Variants in FGD4 observed in about 807,000 individuals in gnomAD.
The protein encoded by FGD4 is FYVE, RhoGEF and PH domain-containing protein 4.
Under a neutral mutation model 102.0 loss-of-function variants are expected in FGD4, and 42 were observed. The ratio of observed to expected loss-of-function variants is 0.41; its 90% CI spans 0.32 to 0.53. FGD4 has a LOEUF of 0.53. Among genes scored for constraint, FGD4 ranks in the 20% least tolerant of loss-of-function variants. FGD4 has a pLI of 0.21. For synonymous variants in FGD4, 380 were observed against 375.7 expected, an observed-to-expected ratio of 1.01 and a Z score of -0.13; for missense variants, 902 against 1,078.2, an observed-to-expected ratio of 0.84 and a Z score of 2.29.
At chr12:32,430,264 C>T (rs11829537) in intron 1 of FGD4, among the ~76,000 whole-genome samples, 1,552 of 151,792 alleles carry the variant, frequency 0.01, 31 homozygotes, top group African/African-American at 0.036. Flanking sequence ...GCTGAGATTG[C>T]ACCACTGTGC....
chr12:32,559,254 G>A (rs1363663636), intron 1 of FGD4, among the ~76,000 whole-genome samples: 1 of 152,168 alleles, frequency 6.6e-6, no homozygotes, highest in Non-Finnish European at 1.5e-5. Context: ...TATCCAAGAT[G>A]TTAGCAGATG....
At chr12:32,515,341 A>G (rs555362355) in intron 1 of FGD4, among the ~76,000 whole-genome samples, 1 of 152,270 alleles carries the variant, frequency 6.6e-6, no homozygotes, top group African/African-American at 2.4e-5. Flanking sequence ...ATTGGGTGCC[A>G]TTGAAGGTCA....
intron 15 of FGD4, among the ~76,000 whole-genome samples, chr12:32,636,991 C>T (rs1218597949): frequency 6.6e-6 from 1 of 150,758 alleles, no homozygotes; most frequent in Non-Finnish European, 1.5e-5. Context: ...ATGTCTCAGC[C>T]TCCTGAGTAG....
At chr12:32,592,490 G>T (rs1979824) in intron 4 of FGD4, among the ~76,000 whole-genome samples, 2 of 151,738 alleles carry the variant, frequency 1.3e-5, no homozygotes, top group Non-Finnish European at 2.9e-5. Flanking sequence ...CCAAAGGACT[G>T]CAAGAATAAA....
Position 32,533,082 on chromosome 12 carries a change from C to T in FGD4, c.167-31055C>T, listed in dbSNP as rs1189664765. 2.6e-5 allele frequency among the ~76,000 whole-genome samples: 4 copies of T among 152,142 alleles called. No individual in the cohort carries two copies. The East Asian group carries it at 7.7e-4, about 29-fold the overall frequency. ...TAGCAGGTGTGCAATTTAGCAAGTC[C>T]TTTAATCCTCCCTAACCCAGCAATT... On this transcript the variant is annotated intron_variant, in intron 1 of 16. Coordinates refer to ENST00000534526, the MANE Select transcript of FGD4 (RefSeq NM_001370298.3).
intron 1 of FGD4, among the ~76,000 whole-genome samples, chr12:32,492,448 C>T (rs1292714206): frequency 6.6e-6 from 1 of 152,116 alleles, no homozygotes; most frequent in Non-Finnish European, 1.5e-5. Context: ...CAGAAATGCA[C>T]CAAAATGCTG....
intron 5 of FGD4, among the ~76,000 whole-genome samples, 172 bp downstream of exon 5, chr12:32,598,758 G>A (rs1477149688): frequency 1.3e-5 from 2 of 152,188 alleles, no homozygotes; most frequent in Non-Finnish European, 2.9e-5. Flanking sequence ...AATTCACTAG[G>A]TATAAGCATT....
At chr12:32,453,444 GACT>G (rs1276415880) in intron 1 of FGD4, among the ~76,000 whole-genome samples, 1 of 151,606 alleles carries the variant, frequency 6.6e-6, no homozygotes. Context: ...ATGTTGGCCA[GACT>G]GGTGTCGAAC....
chr12:32,601,883 G>A (rs1278184810), intron 6 of FGD4, among the ~76,000 whole-genome samples: 1 of 152,150 alleles, frequency 6.6e-6, no homozygotes, highest in Non-Finnish European at 1.5e-5. Context: ...AAGGCAGGCG[G>A]ATCCCTTGAG....
intron 1 of FGD4, among the ~76,000 whole-genome samples, chr12:32,555,632 C>T (rs369095266): frequency 7.7e-5 from 11 of 142,348 alleles, no homozygotes; most frequent in South Asian, 4.6e-4. Flanking sequence ...AGTGCAGTGG[C>T]GCCATCTCGG....
intron 3 of FGD4, among the ~76,000 whole-genome samples, chr12:32,579,803 C>T (rs1946455326): frequency 6.6e-6 from 1 of 152,142 alleles, no homozygotes; most frequent in South Asian, 2.1e-4. Flanking sequence ...GACATTTTCC[C>T]CTACTCAATT....
chr12:32,458,048 C>T (rs796948588), intron 1 of FGD4, among the ~76,000 whole-genome samples: 3 of 150,252 alleles, frequency 2.0e-5, no homozygotes, highest in African/African-American at 4.9e-5. Context: ...CTTGGGAGTA[C>T]GAGCCTGAAT....
At chr12:32,534,742 A>C (rs1282063210) in intron 1 of FGD4, among the ~76,000 whole-genome samples, 1 of 152,198 alleles carries the variant, frequency 6.6e-6, no homozygotes, top group Non-Finnish European at 1.5e-5. Flanking sequence ...TCTCTGGCTT[A>C]TTTTTATTAT....
intron 1 of FGD4, among the ~76,000 whole-genome samples, chr12:32,401,062 C>T (rs781344516): frequency 3.9e-5 from 6 of 152,142 alleles, no homozygotes; most frequent in Non-Finnish European, 7.3e-5. Context: ...AAAATGAGGA[C>T]ACTAGTGTGA....
chr12:32,546,750 C>A (rs554116312), intron 1 of FGD4, among the ~76,000 whole-genome samples: 4 of 152,258 alleles, frequency 2.6e-5, no homozygotes, highest in Admixed American at 6.5e-5. Context: ...AATGGTGAGG[C>A]CTCATCAGCC....
chr12:32,419,797 C>T (rs189790841), intron 1 of FGD4, among the ~76,000 whole-genome samples: 23 of 152,158 alleles, frequency 1.5e-4, no homozygotes, highest in Non-Finnish European at 2.6e-4. Context: ...ATGCTCCTTC[C>T]GTGGTTAGAT....
At chr12:32,600,205 T>C (rs1948282086) in intron 5 of FGD4, among the ~76,000 whole-genome samples, 1 of 152,228 alleles carries the variant, frequency 6.6e-6, no homozygotes, top group Non-Finnish European at 1.5e-5. Flanking sequence ...ACTTTCTTCC[T>C]TATGGGAATT....
intron 1 of FGD4, among the ~76,000 whole-genome samples, chr12:32,473,569 A>G (rs1943495272): frequency 6.6e-6 from 1 of 151,926 alleles, no homozygotes; most frequent in Middle Eastern, 3.4e-3. Context: ...CAGACGCGCC[A>G]CCTTAAGAGC....
intron 1 of FGD4, among the ~76,000 whole-genome samples, chr12:32,497,136 G>A (rs1417177845): frequency 6.6e-6 from 1 of 152,030 alleles, no homozygotes; most frequent in East Asian, 1.9e-4. Flanking sequence ...GTATACTTGG[G>A]CAAGTCCTGG....
Sources: gnomAD v4.1 joint callset for allele counts (sites outside exome capture counted in the v4.1 genomes callset) on GRCh38, gnomAD v4.1.1 for gene constraint, MANE v1.5 for transcripts, NCBI Gene and HGNC (gene_info 2026-07-23, HGNC 2026-07-21) for gene names.